The following DGKB variants were observed in gnomAD, a reference collection of about 807,000 sequenced individuals.
DGKB encodes diacylglycerol kinase beta.
A neutral mutation model predicts 114.3 loss-of-function variants in DGKB; 67 were observed. That is an observed-to-expected ratio of 0.59 (90% CI 0.48 to 0.72). DGKB has a LOEUF of 0.72. Ranked by LOEUF, DGKB falls within the 30% of genes least tolerant of loss-of-function variation. DGKB has a pLI of 0.00. For missense variants in DGKB, 907 were observed against 975.2 expected, an observed-to-expected ratio of 0.93 and a Z score of 0.93; for synonymous variants, 398 against 323.1, an observed-to-expected ratio of 1.23 and a Z score of -2.49.
intron 1 of DGKB, among the ~76,000 whole-genome samples, chr7:14,946,662 A>T (rs1484285879): frequency 2.0e-5 from 3 of 151,704 alleles, no homozygotes; most frequent in Non-Finnish European, 4.4e-5. Context: ...TATGAGTGGG[A>T]AACAAGGAAG....
At chr7:14,578,069 C>T (rs1362883699) in intron 19 of DGKB, among the ~76,000 whole-genome samples, 3 of 152,116 alleles carry the variant, frequency 2.0e-5, no homozygotes, top group Non-Finnish European at 4.4e-5. Flanking sequence ...GGGTTGTTTC[C>T]TCCATGCAGT....
chr7:14,398,938 C>A (rs114558349), intron 21 of DGKB, among the ~76,000 whole-genome samples: 1 of 151,848 alleles, frequency 6.6e-6, no homozygotes, highest in African/African-American at 2.4e-5. Context: ...GAATGCAACC[C>A]CAACAAGTTA....
intron 23 of DGKB, among the ~76,000 whole-genome samples, chr7:14,203,234 T>C (rs1005266044): frequency 4.0e-5 from 6 of 151,356 alleles, no homozygotes; most frequent in Non-Finnish European, 8.8e-5. Context: ...TATACCTAAG[T>C]TAAAGGACAC....
At chr7:14,268,601 A>G (rs1314302335) in intron 23 of DGKB, among the ~76,000 whole-genome samples, 1 of 152,184 alleles carries the variant, frequency 6.6e-6, no homozygotes, top group Admixed American at 6.5e-5. Context: ...TAAGAAATGA[A>G]TAAAAGAAAT....
At chr7:14,932,299 C>T (rs575043447) in intron 1 of DGKB, among the ~76,000 whole-genome samples, 2 of 152,288 alleles carry the variant, frequency 1.3e-5, no homozygotes, top group East Asian at 3.9e-4. Flanking sequence ...GATTTCAAAT[C>T]TTCCCTTTGC....
chr7:14,344,315 A>C (rs1812120894), intron 22 of DGKB, among the ~76,000 whole-genome samples: 1 of 151,506 alleles, frequency 6.6e-6, no homozygotes, highest in Admixed American at 6.6e-5. Context: ...AAAAGTGCTA[A>C]AAGGTTACAC....
At chr7:14,655,770 T>C (rs1388752676) in intron 13 of DGKB, among the ~76,000 whole-genome samples, 3 of 151,514 alleles carry the variant, frequency 2.0e-5, no homozygotes, top group African/African-American at 7.3e-5. Context: ...TATGTTAAAT[T>C]AGTCAAGCAC....
At chr7:14,276,563 C>G (rs891355273) in intron 23 of DGKB, among the ~76,000 whole-genome samples, 8 of 151,944 alleles carry the variant, frequency 5.3e-5, no homozygotes, top group Admixed American at 3.3e-4. Context: ...GACTATACAT[C>G]ATATGCATGT....
intron 23 of DGKB, chr7:14,209,540 A>G (rs768184048): frequency 2.0e-6 from 1 of 501,944 alleles, no homozygotes. Flanking sequence ...AGCTGCACAG[A>G]GCTCCACTCC....
intron 23 of DGKB, among the ~76,000 whole-genome samples, chr7:14,283,206 C>T (rs1800271827): frequency 6.6e-6 from 1 of 151,608 alleles, no homozygotes; most frequent in Non-Finnish European, 1.5e-5. Flanking sequence ...ACAAGCATTC[C>T]TATACACCAA....
At chr7:14,582,210 T>A (rs968489372) in intron 18 of DGKB, among the ~76,000 whole-genome samples, 14 of 152,092 alleles carry the variant, frequency 9.2e-5, no homozygotes, top group African/African-American at 3.1e-4. Context: ...CCAAAAAGAG[T>A]CAATATTTGT....
At chr7:14,505,435 C>CA (rs1306277886) in intron 20 of DGKB, among the ~76,000 whole-genome samples, 2 of 146,864 alleles carry the variant, frequency 1.4e-5, no homozygotes, top group Non-Finnish European at 3.0e-5. Context: ...GTCTGGGAGA[C>CA]AGAGTGAGAC....
At chr7:14,501,587 A>C (rs1191604993) in intron 20 of DGKB, among the ~76,000 whole-genome samples, 1 of 151,912 alleles carries the variant, frequency 6.6e-6, no homozygotes, top group Non-Finnish European at 1.5e-5. Context: ...CAGAAGAATC[A>C]AGAGCTCAGA....
chr7:14,653,345 G>A (rs1157189047), intron 13 of DGKB, among the ~76,000 whole-genome samples: 8 of 152,068 alleles, frequency 5.3e-5, no homozygotes, highest in South Asian at 2.1e-4. Flanking sequence ...ATGAGTTCAC[G>A]TCCTTTGTAG....
chr7:14,385,815 T>A (rs1383180846), intron 21 of DGKB, among the ~76,000 whole-genome samples: 2 of 152,246 alleles, frequency 1.3e-5, no homozygotes, highest in African/African-American at 4.8e-5. Flanking sequence ...CTAACTACCA[T>A]ACTTTTAAAG....
intron 13 of DGKB, among the ~76,000 whole-genome samples, chr7:14,644,841 C>T (rs1812595483): frequency 6.6e-6 from 1 of 152,148 alleles, no homozygotes; most frequent in African/African-American, 2.4e-5. Flanking sequence ...CATCCAGATA[C>T]AGGACACTCA....
rs576231936 is a variant in DGKB, at chr7:14,685,446, C to T, written c.712-84G>A. ...AGTGCCAATGAAATTCAGAGCTGGACTGAAGCATGTGAAGACAATCTGTTA... is the reference window on the plus strand; with the variant it reads ...AGTGCCAATGAAATTCAGAGCTGGATTGAAGCATGTGAAGACAATCTGTTA... On this transcript the variant is annotated intron_variant, in intron 9 of 25. Transcript: ENST00000402815. The T allele has an allele frequency of 7.3e-5, 72 of 985,718 alleles. 1 individual carries two copies. The highest frequency in any genetic ancestry group is 6.1e-4 in the Admixed American group (32 of 52,424). 61.1% of individuals were successfully genotyped at this position (985,718 alleles called of 1,614,324 possible).
intron 23 of DGKB, among the ~76,000 whole-genome samples, chr7:14,240,811 A>G (rs1793526585): frequency 6.6e-6 from 1 of 152,176 alleles, no homozygotes; most frequent in Admixed American, 6.5e-5. Context: ...GTTACAGTTT[A>G]GGAGGATTAA....
chr7:14,259,411 A>C (rs201431029), intron 23 of DGKB, among the ~76,000 whole-genome samples: 27,533 of 101,900 alleles, frequency 0.27, 2,814 homozygotes, highest in East Asian at 0.39. Flanking sequence ...CTCTCTCTAT[A>C]TATATATATA....
Sources: gnomAD v4.1 joint callset for allele counts (sites outside exome capture counted in the v4.1 genomes callset) on GRCh38, gnomAD v4.1.1 for gene constraint, MANE v1.5 for transcripts, NCBI Gene and HGNC (gene_info 2026-07-23, HGNC 2026-07-21) for gene names.